The following RIPOR2 variants were observed in gnomAD, a reference collection of about 807,000 sequenced individuals.
The protein encoded by RIPOR2 is rho family-interacting cell polarization regulator 2.
A neutral mutation model predicts 114.5 loss-of-function variants in RIPOR2; 39 were observed. The observed-to-expected ratio is 0.34, with a 90% CI of 0.26 to 0.44. The LOEUF (loss-of-function observed/expected upper bound fraction) is 0.44, where lower values mean the gene tolerates loss of function less well. RIPOR2 is among the 20% of genes least tolerant of loss of function. The pLI, the probability that RIPOR2 is intolerant of heterozygous loss-of-function variation, is 1.00. For missense variants in RIPOR2, 1,007 were observed against 1,255.1 expected, an observed-to-expected ratio of 0.80 and a Z score of 2.99; for synonymous variants, 445 against 484.4, an observed-to-expected ratio of 0.92 and a Z score of 1.07.
chr6:24,863,773 C>T (rs34489598), intron 7 of RIPOR2, among the ~76,000 whole-genome samples: 23,019 of 152,080 alleles, frequency 0.15, 1,784 homozygotes, highest in African/African-American at 0.17. Context: ...TTATTTATTG[C>T]AGATAACTTT....
rs145021643 is a variant in RIPOR2, at chr6:24,869,341, A to G, written c.448-194T>C. Among the ~76,000 whole-genome samples, 125 of 144,238 alleles carry G rather than the reference A, an allele frequency of 8.7e-4. 2 individuals are homozygous for G. In the South Asian group the frequency reaches 0.019, roughly 22 times the overall value. 94.6% of individuals were successfully genotyped at this position (144,238 alleles called of 152,430 possible). A position where few individuals can be genotyped will look rare whatever the true frequency, so the allele number is the denominator to read the frequency against. On this transcript the variant is annotated intron_variant, in intron 5 of 21. Coordinates refer to ENST00000643898, the MANE Select transcript of RIPOR2 (RefSeq NM_001286445.3). ...ATTTTTTTTTTTTTTTTTTGAGATGAAGTTTCGCTCTTGTTGCCCAGGCTA... is the reference window on the plus strand; with the variant it reads ...ATTTTTTTTTTTTTTTTTTGAGATGGAGTTTCGCTCTTGTTGCCCAGGCTA...
chr6:25,004,348 TA>T (rs1006634455), intron 1 of RIPOR2, among the ~76,000 whole-genome samples: 1 of 152,180 alleles, frequency 6.6e-6, no homozygotes, highest in African/African-American at 2.4e-5. Context: ...AGATGCAAGT[TA>T]AAAAAAGTCT....
upstream of RIPOR2, chr6:25,042,068 A>T: frequency 1.8e-6 from 1 of 543,994 alleles, no homozygotes; most frequent in Non-Finnish European, 3.2e-6. Flanking sequence ...TAAAAAAAAA[A>T]AAAAGAGTAT....
In RIPOR2 at chr6:25,037,737, C is replaced by T. The variant is rs762428666; in HGVS notation, c.76+4114G>A. ...GGGTGAAAGGAAGAAGTGAGGAAGG[C>T]TTAGGGAAGATGAACTTTGGGATCC... On this transcript the variant is annotated intron_variant, in intron 1 of 13. Coordinates refer to the RIPOR2 transcript ENST00000510784. The surrounding 1 kb of genome is among the most constrained non-coding windows in gnomAD (Gnocchi z 4.5). Among the ~76,000 whole-genome samples, 43 of 152,080 alleles carry T rather than the reference C, an allele frequency of 2.8e-4. 1 individual carries two copies. The highest frequency in any genetic ancestry group is 3.4e-3 in the Middle Eastern group (1 of 294).
Position 24,809,684 on chromosome 6 carries a change from A to C in RIPOR2, c.3043+33T>G, listed in dbSNP as rs911815750. ...CATCCGTTAGAGAGTGCCAGAAGCA[A>C]ACAATCATGTAAACAACAACAATAA... On this transcript the variant is annotated intron_variant, in intron 21 of 21. Coordinates refer to ENST00000643898, the MANE Select transcript of RIPOR2 (RefSeq NM_001286445.3). 11 of 1,393,338 alleles carry C rather than the reference A, an allele frequency of 7.9e-6. No homozygotes were observed. The African/African-American group carries it at 1.6e-4, about 20-fold the overall frequency. 86.3% of individuals were successfully genotyped at this position (1,393,338 alleles called of 1,614,324 possible). A position where few individuals can be genotyped will look rare whatever the true frequency, so the allele number is the denominator to read the frequency against.
chr6:24,936,018 C>G, upstream of RIPOR2: 3 of 677,998 alleles, frequency 4.4e-6, no homozygotes, highest in Non-Finnish European at 7.7e-6. Flanking sequence ...GGGCAGCTTC[C>G]GCATCTGCCC....
At chr6:24,915,862 TC>T (rs999808781) in intron 1 of RIPOR2, among the ~76,000 whole-genome samples, 1 of 151,930 alleles carries the variant, frequency 6.6e-6, no homozygotes, top group Non-Finnish European at 1.5e-5. Context: ...GGCATCCAGC[TC>T]CCTTGGCACT....
chr6:24,806,467 T>C lies in RIPOR2; in HGVS notation c.3050A>G (p.Asp1017Gly). 1.9e-6 allele frequency: 3 copies of C among 1,550,386 alleles called. No homozygotes were observed. The highest frequency in any genetic ancestry group is 1.7e-6 in the Non-Finnish European group (2 of 1,145,954). The change falls in exon 22 of 22, where the codon GAT becomes GGT. Residue 1017 changes from aspartate to glycine, a missense_variant. Physicochemically the swap from Asp to Gly is moderately conservative, Grantham distance 94. Coordinates refer to ENST00000643898, the MANE Select transcript of RIPOR2 (RefSeq NM_001286445.3). ...ASETLLSLGEDGRLAYEQLDK... is the reference protein window; with the variant it reads ...ASETLLSLGEGGRLAYEQLDK... Reference sequence around the variant, plus strand: ...CAATTGTTCATATGCCAGCCGCCCATCTTCTCCTAAATACAGAACATTAAA... The same window carrying C: ...CAATTGTTCATATGCCAGCCGCCCACCTTCTCCTAAATACAGAACATTAAA...
chr6:25,030,768 G>A (rs1269467708), intron 1 of RIPOR2, among the ~76,000 whole-genome samples: 2 of 150,150 alleles, frequency 1.3e-5, no homozygotes, highest in South Asian at 2.1e-4. Context: ...GCGTGATCTC[G>A]GTTCACTGCA....
chr6:25,002,840 T>C (rs1193198524), intron 1 of RIPOR2, among the ~76,000 whole-genome samples: 2 of 152,186 alleles, frequency 1.3e-5, no homozygotes, highest in Non-Finnish European at 2.9e-5. Flanking sequence ...CTGAGCATTG[T>C]CAAGTCTGAG....
Position 24,865,453 on chromosome 6 carries a change from G to A in RIPOR2, c.502-3C>T. 6.3e-7 allele frequency: 1 copy of A among 1,597,822 alleles called. No individual in the cohort carries two copies. Among genetic ancestry groups the A allele is most frequent in the Non-Finnish European group, 8.5e-7 (1 of 1,170,434 alleles). On this transcript the variant is annotated splice_polypyrimidine_tract_variant and splice_region_variant and intron_variant, in intron 6 of 21. Coordinates refer to ENST00000643898, the MANE Select transcript of RIPOR2 (RefSeq NM_001286445.3). ...TAAGCTTCATAGAGTTCATCTACCT[G>A]CCAGAATCAAAACAGGAAACAGAAA...
intron 19 of RIPOR2, among the ~76,000 whole-genome samples, chr6:24,819,266 C>T (rs1428573425): frequency 6.6e-6 from 1 of 152,002 alleles, no homozygotes; most frequent in Non-Finnish European, 1.5e-5. Flanking sequence ...GTAAGTCAGT[C>T]ACTTGGAGAA....
rs546325462 is a variant in RIPOR2, at chr6:24,979,618, G to A, written c.76+62233C>T. On this transcript the variant is annotated intron_variant, in intron 1 of 13. Transcript: ENST00000510784. ...CCTCCAGTTCTGCTTTGCTGGGGAA[G>A]GAAAGGCCAGCTCTCACAACTTCCT... is the stretch of plus-strand genomic sequence containing the variant. Among the ~76,000 whole-genome samples, 4 of 152,156 alleles carry A rather than the reference G, an allele frequency of 2.6e-5. No homozygotes were observed. The East Asian group carries it at 7.7e-4, about 29-fold the overall frequency.
chr6:24,961,659 G>A (rs906071475), intron 1 of RIPOR2, among the ~76,000 whole-genome samples: 6 of 148,162 alleles, frequency 4.0e-5, no homozygotes, highest in Non-Finnish European at 5.9e-5. Context: ...AGACAGTCTC[G>A]CTCTGTCACC....
intron 1 of RIPOR2, among the ~76,000 whole-genome samples, chr6:24,942,954 T>C (rs1477979292): frequency 6.6e-6 from 1 of 152,210 alleles, no homozygotes; most frequent in Non-Finnish European, 1.5e-5. Flanking sequence ...TTTGTTGCCA[T>C]TGCTTTTGGT....
intron 14 of RIPOR2, among the ~76,000 whole-genome samples, chr6:24,837,800 G>GTT (rs745860101): frequency 6.8e-6 from 1 of 146,610 alleles, no homozygotes; most frequent in Non-Finnish European, 1.5e-5. Flanking sequence ...AAGTTCTCAT[G>GTT]TTTTTTTTTT....
chr6:24,990,146 A>G (rs1417026545), intron 1 of RIPOR2, among the ~76,000 whole-genome samples: 2 of 152,224 alleles, frequency 1.3e-5, no homozygotes, highest in Non-Finnish European at 1.5e-5. Flanking sequence ...GTTCCTGGAC[A>G]TTTTCTCAAA....
chr6:24,929,582 CCTT>C (rs1273555817), intron 1 of RIPOR2: 1 of 152,178 alleles, frequency 6.6e-6, no homozygotes, highest in African/African-American at 2.4e-5. Context: ...TTTTCTCTGT[CCTT>C]CTGGTACTTG....
intron 4 of RIPOR2, among the ~76,000 whole-genome samples, chr6:24,872,177 C>T (rs1422951998): frequency 2.0e-5 from 3 of 152,124 alleles, no homozygotes; most frequent in African/African-American, 7.2e-5. Context: ...ATTAGAACCA[C>T]CTCTTCAATC....
Sources: allele counts gnomAD v4.1 joint callset (sites outside exome capture counted in the v4.1 genomes callset), GRCh38; gene constraint gnomAD v4.1.1; non-coding constraint Gnocchi (gnomAD v3.1); transcripts MANE v1.5; gene names NCBI Gene and HGNC (gene_info 2026-07-23, HGNC 2026-07-21).